Variants in NOX4 observed in about 807,000 individuals in gnomAD.
NOX4 encodes kidney oxidase-1.
Under a neutral mutation model 87.6 loss-of-function variants are expected in NOX4, and 69 were observed. The observed-to-expected ratio is 0.79, with a 90% CI of 0.65 to 0.96. NOX4 has a LOEUF of 0.96. Ranked by LOEUF, NOX4 falls within the 40% of genes least tolerant of loss-of-function variation. The pLI is 0.00. For synonymous variants in NOX4, 275 were observed against 238.2 expected (o/e 1.15, Z -1.42); for missense variants, 680 against 681.5 (o/e 1.00, Z 0.02).
At chr11:89,505,825 C>A in the NOX4 span, among the ~76,000 whole-genome samples, 3 of 151,574 alleles carry the variant, frequency 2.0e-5, no homozygotes, top group Admixed American at 2.0e-4. Context: ...AATAGTAAAG[C>A]CAGAAATATA....
the NOX4 span, among the ~76,000 whole-genome samples, chr11:89,562,150 C>T: frequency 6.6e-6 from 1 of 152,044 alleles, no homozygotes; most frequent in Admixed American, 6.6e-5. Flanking sequence ...TTGTTGCATG[C>T]TAAATATTCC....
chr11:89,399,081 T>C (rs1941669281), intron 11 of NOX4, among the ~76,000 whole-genome samples: 6 of 152,040 alleles, frequency 3.9e-5, no homozygotes, highest in Admixed American at 3.9e-4. Context: ...TTTATATCTG[T>C]GAATTGTCTA....
At chr11:89,478,195 T>C (rs2135462602) in intron 2 of NOX4, among the ~76,000 whole-genome samples, 1 of 148,922 alleles carries the variant, frequency 6.7e-6, no homozygotes, top group South Asian at 2.2e-4. Flanking sequence ...CCTGCCCCTG[T>C]CCCCTGACAA....
upstream of NOX4, among the ~76,000 whole-genome samples, chr11:89,496,613 AAC>A (rs1287435095): frequency 6.6e-6 from 1 of 151,992 alleles, no homozygotes; most frequent in African/African-American, 2.4e-5. Context: ...AATACAAACC[AAC>A]ACAGACTAGT....
the NOX4 span, among the ~76,000 whole-genome samples, chr11:89,533,041 T>G: frequency 6.6e-6 from 1 of 152,186 alleles, no homozygotes; most frequent in East Asian, 1.9e-4. Flanking sequence ...CAGGTACTTC[T>G]TCATAGCAAT....
chr11:89,515,577 CAATT>C, the NOX4 span, among the ~76,000 whole-genome samples: 1 of 151,104 alleles, frequency 6.6e-6, no homozygotes, highest in African/African-American at 2.4e-5. Flanking sequence ...TTGTAAATCC[CAATT>C]AATTAATATA....
chr11:89,515,828 A>G, the NOX4 span, among the ~76,000 whole-genome samples: 1 of 152,114 alleles, frequency 6.6e-6, no homozygotes, highest in African/African-American at 2.4e-5. Context: ...AAATCAGTTG[A>G]CCATATACAT....
chr11:89,491,512 C>T (rs1197307105), upstream of NOX4: 25 of 468,712 alleles, frequency 5.3e-5, no homozygotes, highest in Non-Finnish European at 7.9e-5. Context: ...GCGCTCTGAG[C>T]GCGCGGCCCA....
chr11:89,342,155 T>A lies in NOX4; in HGVS notation c.1256A>T (p.Glu419Val), dbSNP rs1946035089. ...GAGGCTGACCTCATAGTTCAGTGAT[T>A]CCTCAAATGGACTTCCAAAAGGACC... ...IDGPFGSPFE[E>V]SLNYEVSLCV... The change falls in exon 14 of 18, where the codon GAA becomes GTA. Residue 419 changes from glutamate to valine, a missense_variant. Glu to Val is a moderately radical substitution (Grantham distance 121). Transcript: ENST00000263317. The A allele has an allele frequency of 1.2e-6, 2 of 1,612,634 alleles. No homozygotes were observed. Among genetic ancestry groups the A allele is most frequent in the East Asian group, 4.5e-5 (2 of 44,842 alleles).
At chr11:89,587,531 G>C in the NOX4 span, among the ~76,000 whole-genome samples, 1 of 151,978 alleles carries the variant, frequency 6.6e-6, no homozygotes, top group Non-Finnish European at 1.5e-5. Context: ...AAACTACCAG[G>C]GCATAGAGGT....
the NOX4 span, among the ~76,000 whole-genome samples, chr11:89,540,719 C>T: frequency 3.0e-5 from 4 of 135,238 alleles, no homozygotes; most frequent in South Asian, 2.4e-4. Context: ...ACGCGGGAGG[C>T]GCAGCTTGCA....
At chr11:89,329,376 G>C (rs113884885) in intron 17 of NOX4, among the ~76,000 whole-genome samples, 26,180 of 77,428 alleles carry the variant, frequency 0.34, 3,389 homozygotes, top group African/African-American at 0.46. Flanking sequence ...AAAAAAAAAA[G>C]AACAGAGCAT....
At position 89,421,424 on chromosome 11, in the gene NOX4, G is replaced by A. The variant is rs148539615; in HGVS notation, c.629+478C>T. Among the ~76,000 whole-genome samples, 905 of 151,936 alleles carry A rather than the reference G, an allele frequency of 6.0e-3. 8 individuals carry two copies. The highest frequency in any genetic ancestry group is 0.021 in the African/African-American group (872 of 41,458). ...TCACTTTATGTTTTTTTTCCTTGGT[G>A]ATTTTGACAGATCCTTTTCTTTGGT... On this transcript the variant is annotated intron_variant, in intron 8 of 17. Coordinates refer to ENST00000263317, the MANE Select transcript of NOX4 (RefSeq NM_016931.5).
intron 9 of NOX4, among the ~76,000 whole-genome samples, chr11:89,401,336 G>A (rs1488902659): frequency 6.6e-6 from 1 of 152,018 alleles, no homozygotes; most frequent in Non-Finnish European, 1.5e-5. Context: ...TGAGCAAAAT[G>A]GGAGTCGCCA....
chr11:89,381,155 G>A (rs1265136139), intron 11 of NOX4, among the ~76,000 whole-genome samples: 1 of 152,162 alleles, frequency 6.6e-6, no homozygotes, highest in Non-Finnish European at 1.5e-5. Flanking sequence ...GATGGCTAGT[G>A]CAGGCATGCT....
intron 12 of NOX4, among the ~76,000 whole-genome samples, chr11:89,370,992 T>A (rs1337499969): frequency 6.6e-6 from 1 of 152,054 alleles, no homozygotes; most frequent in Non-Finnish European, 1.5e-5. Context: ...TATCTCTAAG[T>A]CAGTTTTAAA....
At chr11:89,414,145 C>A (rs1023508118) in intron 8 of NOX4, among the ~76,000 whole-genome samples, 1 of 151,974 alleles carries the variant, frequency 6.6e-6, no homozygotes, top group African/African-American at 2.4e-5. Flanking sequence ...AGGAATCAAT[C>A]CTCTTTCTTC....
the NOX4 span, chr11:89,557,318 C>G: frequency 2.0e-5 from 3 of 152,078 alleles, no homozygotes; most frequent in South Asian, 6.2e-4. Context: ...TAATTACAAC[C>G]AGGGCAGTAT....
chr11:89,512,310 T>A, the NOX4 span, among the ~76,000 whole-genome samples: 1 of 152,082 alleles, frequency 6.6e-6, no homozygotes. Flanking sequence ...CTCTTAATAA[T>A]TGTCAAGTGT....
Sources: gnomAD v4.1 joint callset for allele counts (sites outside exome capture counted in the v4.1 genomes callset) on GRCh38, gnomAD v4.1.1 for gene constraint, MANE v1.5 for transcripts, NCBI Gene and HGNC (gene_info 2026-07-23, HGNC 2026-07-21) for gene names.